The following GPHN variants were observed in gnomAD, a reference collection of about 807,000 sequenced individuals.
The protein encoded by GPHN is gephyrin.
Under a neutral mutation model 95.5 loss-of-function variants are expected in GPHN, and 17 were observed. That is an observed-to-expected ratio of 0.18 (90% CI 0.12 to 0.27). The LOEUF (loss-of-function observed/expected upper bound fraction) is 0.27. Among genes scored for constraint, GPHN ranks in the 10% least tolerant of loss-of-function variants. The pLI, the probability that GPHN is intolerant of heterozygous loss-of-function variation, is 1.00. For synonymous variants in GPHN, 320 were observed against 322.5 expected, an observed-to-expected ratio of 0.99 and a Z score of 0.08; for missense variants, 660 against 978.1, an observed-to-expected ratio of 0.67 and a Z score of 4.34.
intron 20 of GPHN, among the ~76,000 whole-genome samples, chr14:67,165,568 A>G (rs1399948046): frequency 1.3e-5 from 2 of 152,218 alleles, no homozygotes; most frequent in Non-Finnish European, 2.9e-5. Context: ...AAATTGGTCG[A>G]AGTTAGCAGC....
At chr14:67,393,746 G>A in the GPHN span, among the ~76,000 whole-genome samples, 2 of 152,120 alleles carry the variant, frequency 1.3e-5, no homozygotes, top group African/African-American at 4.8e-5. Flanking sequence ...GAGCCACCGT[G>A]CCTGGCCTGA....
chr14:66,853,514 C>T (rs1404998906), intron 4 of GPHN, among the ~76,000 whole-genome samples: 2 of 152,092 alleles, frequency 1.3e-5, no homozygotes, highest in African/African-American at 4.8e-5. Flanking sequence ...TGGCTGAAGA[C>T]GAATGAGGAG....
intron 1 of GPHN, among the ~76,000 whole-genome samples, chr14:66,606,157 G>T (rs900976756): frequency 6.6e-6 from 1 of 152,036 alleles, no homozygotes; most frequent in Non-Finnish European, 1.5e-5. Context: ...TCCATCTTGG[G>T]TTAATTTTTG....
chr14:67,015,810 T>A lies in GPHN; in HGVS notation c.964-7823T>A, dbSNP rs561629482. Among the ~76,000 whole-genome samples, 3 of 152,258 alleles carry A rather than the reference T, an allele frequency of 2.0e-5. No individual in the cohort carries two copies. The South Asian group carries it at 6.2e-4, about 32-fold the overall frequency. On this transcript the variant is annotated intron_variant, in intron 9 of 22. Transcript: ENST00000478722. ...GATACATACACACGTGTGTCTGTTT[T>A]TATGTGTGTATGTGTGTGTGTATGG... is the stretch of plus-strand genomic sequence containing the variant.
the GPHN span, among the ~76,000 whole-genome samples, chr14:67,532,111 T>C: frequency 1.3e-5 from 2 of 152,142 alleles, no homozygotes; most frequent in Non-Finnish European, 2.9e-5. Flanking sequence ...TGAAGTCCCA[T>C]TGGCCCAGTT....
intron 3 of GPHN, among the ~76,000 whole-genome samples, chr14:66,799,447 T>C (rs375101818): frequency 1.2e-3 from 177 of 152,162 alleles, no homozygotes; most frequent in African/African-American, 3.9e-3. Flanking sequence ...GGGGCCTCTC[T>C]CTCTTTAGCT....
chr14:67,054,658 A>C (rs1209216074), intron 10 of GPHN, among the ~76,000 whole-genome samples: 1 of 152,264 alleles, frequency 6.6e-6, no homozygotes, highest in African/African-American at 2.4e-5. Context: ...ATCCTAAGCA[A>C]AAAGAACAAA....
At chr14:66,599,477 C>G (rs2062135217) in intron 1 of GPHN, among the ~76,000 whole-genome samples, 1 of 131,144 alleles carries the variant, frequency 7.6e-6, no homozygotes, top group Admixed American at 8.5e-5. Flanking sequence ...TTTAACTAAG[C>G]AGGTTTTTTT....
intron 6 of GPHN, 24 bp downstream of exon 6, chr14:66,916,093 G>T (rs1170375117): frequency 1.5e-5 from 22 of 1,472,598 alleles, no homozygotes; most frequent in Non-Finnish European, 2.0e-5. Context: ...ACATATTAAT[G>T]GTTTAGTGTA....
intron 10 of GPHN, among the ~76,000 whole-genome samples, chr14:67,036,286 G>A (rs1354493343): frequency 6.6e-6 from 1 of 150,832 alleles, no homozygotes. Flanking sequence ...GTGAAAAACT[G>A]GAAGCTTTTT....
the GPHN span, chr14:67,336,573 A>C: frequency 4.9e-5 from 18 of 369,512 alleles, no homozygotes; most frequent in Admixed American, 1.3e-4. Context: ...TCCCTACTTC[A>C]AACTAATTTT....
chr14:67,139,786 G>T (rs1255079682), intron 17 of GPHN, among the ~76,000 whole-genome samples: 1 of 152,154 alleles, frequency 6.6e-6, no homozygotes, highest in Non-Finnish European at 1.5e-5. Context: ...GCGTACAACA[G>T]AAAGGAGAGT....
intron 4 of GPHN, among the ~76,000 whole-genome samples, chr14:66,834,735 G>T (rs1294405705): frequency 3.3e-5 from 5 of 151,500 alleles, no homozygotes; most frequent in South Asian, 4.2e-4. Context: ...TTGTGTCTCT[G>T]CCCGGCTTTG....
At chr14:67,148,684 C>T (rs1187922556) in intron 18 of GPHN, among the ~76,000 whole-genome samples, 1 of 151,564 alleles carries the variant, frequency 6.6e-6, no homozygotes, top group Non-Finnish European at 1.5e-5. Flanking sequence ...CCTCAGCCTC[C>T]CGAGTAGCTG....
the GPHN span, among the ~76,000 whole-genome samples, chr14:67,260,038 C>T: frequency 6.6e-6 from 1 of 152,136 alleles, no homozygotes; most frequent in Non-Finnish European, 1.5e-5. Flanking sequence ...TAAACAGAAA[C>T]TATTACTCTT....
At chr14:67,347,454 C>T in the GPHN span, 1 of 1,605,420 alleles carries the variant, frequency 6.2e-7, no homozygotes, top group Non-Finnish European at 8.5e-7. Flanking sequence ...AAAGTAACAC[C>T]TGTTAAACAC....
the GPHN span, chr14:67,583,979 C>G: frequency 6.2e-7 from 1 of 1,613,944 alleles, no homozygotes; most frequent in South Asian, 1.1e-5. Context: ...TATTTCTCTC[C>G]ATCTGCCCAC....
intron 2 of GPHN, among the ~76,000 whole-genome samples, chr14:66,737,946 A>G (rs1566888661): frequency 6.6e-6 from 1 of 152,208 alleles, no homozygotes. Context: ...AAGTTAGAGC[A>G]AGTTACACAC....
At chr14:66,928,344 C>T (rs1288832154) in intron 8 of GPHN, among the ~76,000 whole-genome samples, 1 of 152,108 alleles carries the variant, frequency 6.6e-6, no homozygotes, top group Non-Finnish European at 1.5e-5. Flanking sequence ...TGTAATGATA[C>T]TTTGAATTTT....
Sources: gnomAD v4.1 joint callset for allele counts (sites outside exome capture counted in the v4.1 genomes callset) on GRCh38, gnomAD v4.1.1 for gene constraint, MANE v1.5 for transcripts, NCBI Gene and HGNC (gene_info 2026-07-23, HGNC 2026-07-21) for gene names.